C10orf67: variants seen among roughly 807,000 people sequenced by gnomAD.
C10orf67 encodes uncharacterized protein C10orf67, mitochondrial.
A neutral mutation model predicts 35.6 loss-of-function variants in C10orf67; 60 were observed. The observed-to-expected ratio is 1.68, with a 90% CI of 1.37 to 2.09. C10orf67 has a LOEUF of 2.09. Ranked by LOEUF, C10orf67 falls within the 30% of genes most tolerant of loss-of-function variation. C10orf67 has a pLI of 0.00. For missense variants in C10orf67, 474 were observed against 330.2 expected (o/e 1.44, Z -3.38); for synonymous variants, 167 against 115.8 (o/e 1.44, Z -2.84).
At chr10:23,332,402 G>A (rs1404657668) in intron 2 of C10orf67, among the ~76,000 whole-genome samples, 1 of 152,096 alleles carries the variant, frequency 6.6e-6, no homozygotes, top group African/African-American at 2.4e-5. Flanking sequence ...AAAGATCCAG[G>A]CCAGGCACGA....
chr10:23,272,856 T>C (rs1843067124), intron 8 of C10orf67, among the ~76,000 whole-genome samples: 1 of 152,252 alleles, frequency 6.6e-6, no homozygotes, highest in East Asian at 1.9e-4. Context: ...TTTAAGTCTT[T>C]CATTTATTTC....
At chr10:23,233,792 T>C (rs1037378063) in intron 13 of C10orf67, among the ~76,000 whole-genome samples, 2 of 152,212 alleles carry the variant, frequency 1.3e-5, no homozygotes, top group African/African-American at 4.8e-5. Context: ...ATTTACTTGG[T>C]TTTTGGTTTT....
At chr10:23,266,130 A>G (rs978489987) in intron 10 of C10orf67, 132 bp downstream of exon 10, 4 of 384,774 alleles carry the variant, frequency 1.0e-5, no homozygotes, top group Non-Finnish European at 1.8e-5. Context: ...AGAAATAGGC[A>G]GCTGGAGCCC....
intron 2 of C10orf67, among the ~76,000 whole-genome samples, chr10:23,328,163 G>A (rs977241996): frequency 2.0e-5 from 3 of 152,258 alleles, no homozygotes; most frequent in South Asian, 2.1e-4. Flanking sequence ...CTATAAAAGA[G>A]AAGAAGAAAG....
intron 4 of C10orf67, chr10:23,319,007 C>A: frequency 1.4e-6 from 1 of 711,956 alleles, no homozygotes; most frequent in South Asian, 1.5e-5. Context: ...TTTTTTCTTT[C>A]CAATTTTTGT....
At chr10:23,222,215 G>C (rs141708462) in intron 15 of C10orf67, among the ~76,000 whole-genome samples, 1 of 152,112 alleles carries the variant, frequency 6.6e-6, no homozygotes, top group Non-Finnish European at 1.5e-5. Context: ...TTTCAGTGGG[G>C]CTGCCTTATG....
rs4468246 is a variant in C10orf67, at chr10:23,304,419, A to G, written c.547-960T>C. On this transcript the variant is annotated intron_variant, in intron 4 of 15. Coordinates refer to ENST00000636213, the MANE Select transcript of C10orf67 (RefSeq NM_001371909.1). ...TGTCCCTTCCTAGCCTTCATCCAGA[A>G]GCAGTCCTGTCCACCCAGAGATCTG... Among the ~76,000 whole-genome samples the G allele has an allele frequency of 3.7e-3, 563 of 152,248 alleles. 4 individuals are homozygous for G. Among genetic ancestry groups the G allele is most frequent in the African/African-American group, 0.013 (541 of 41,540 alleles).
At chr10:23,289,215 G>A (rs1163484337) in intron 7 of C10orf67, among the ~76,000 whole-genome samples, 4 of 152,174 alleles carry the variant, frequency 2.6e-5, no homozygotes, top group African/African-American at 9.7e-5. Flanking sequence ...CTAGGCTGAA[G>A]TGCAGTGGTG....
chr10:23,279,152 G>T (rs1051745538), intron 8 of C10orf67, among the ~76,000 whole-genome samples: 3 of 152,202 alleles, frequency 2.0e-5, no homozygotes, highest in African/African-American at 7.2e-5. Context: ...AAATATCCAA[G>T]ATTGCATGGA....
chr10:23,264,304 G>T (rs1041666352), intron 10 of C10orf67, among the ~76,000 whole-genome samples: 1 of 152,140 alleles, frequency 6.6e-6, no homozygotes, highest in African/African-American at 2.4e-5. Flanking sequence ...TAATAACAGT[G>T]AACTAGAAAA....
chr10:23,314,906 A>T (rs1368125477), intron 4 of C10orf67, among the ~76,000 whole-genome samples: 1 of 152,184 alleles, frequency 6.6e-6, no homozygotes, highest in African/African-American at 2.4e-5. Flanking sequence ...AGTTAAATAA[A>T]TTTAGAAACT....
intron 2 of C10orf67, among the ~76,000 whole-genome samples, chr10:23,332,285 G>C (rs926330965): frequency 6.6e-5 from 10 of 152,184 alleles, no homozygotes; most frequent in African/African-American, 2.4e-4. Context: ...AGGTAGACAA[G>C]AGTATAGTGG....
At chr10:23,263,613 C>A (rs1842808635) in intron 10 of C10orf67, among the ~76,000 whole-genome samples, 1 of 152,032 alleles carries the variant, frequency 6.6e-6, no homozygotes, top group Admixed American at 6.6e-5. Context: ...ACAGAAGGGC[C>A]CTGATTCTTT....
chr10:23,315,420 GTGTTTTT>G (rs1844662254), intron 4 of C10orf67, among the ~76,000 whole-genome samples: 2 of 152,086 alleles, frequency 1.3e-5, no homozygotes, highest in South Asian at 2.1e-4. Flanking sequence ...ATAAGAGCAT[GTGTTTTT>G]TGTTTTTTGT....
At chr10:23,248,416 A>G (rs138968531) in intron 12 of C10orf67, among the ~76,000 whole-genome samples, 4 of 152,210 alleles carry the variant, frequency 2.6e-5, no homozygotes, top group African/African-American at 9.6e-5. Context: ...CACTGCTCAC[A>G]TTCAATCTTC....
At chr10:23,220,934 A>G (rs556990789) in intron 15 of C10orf67, among the ~76,000 whole-genome samples, 1 of 152,308 alleles carries the variant, frequency 6.6e-6, no homozygotes, top group East Asian at 1.9e-4. Flanking sequence ...TTTAAATAAT[A>G]ATGTTCCTAT....
intron 4 of C10orf67, among the ~76,000 whole-genome samples, chr10:23,316,155 G>C (rs1475787514): frequency 6.6e-6 from 1 of 152,240 alleles, no homozygotes; most frequent in Non-Finnish European, 1.5e-5. Context: ...GCCAGATGCA[G>C]AGTGACAAGG....
intron 5 of C10orf67, among the ~76,000 whole-genome samples, chr10:23,299,560 T>G (rs943977971): frequency 6.6e-6 from 1 of 152,080 alleles, no homozygotes; most frequent in African/African-American, 2.4e-5. Context: ...TAGAAAAGCA[T>G]GTGAAAAGAG....
intron 8 of C10orf67, among the ~76,000 whole-genome samples, chr10:23,271,202 C>T (rs940908879): frequency 1.1e-4 from 17 of 152,198 alleles, no homozygotes; most frequent in African/African-American, 4.1e-4. Context: ...GTAAAAGGTT[C>T]AATTCAACAA....
Sources: allele counts gnomAD v4.1 joint callset (sites outside exome capture counted in the v4.1 genomes callset), GRCh38; gene constraint gnomAD v4.1.1; transcripts MANE v1.5; gene names NCBI Gene and HGNC (gene_info 2026-07-23, HGNC 2026-07-21).